Variants in FBRSL1 observed in about 807,000 individuals in gnomAD.
FBRSL1 encodes the protein fibrosin like 1.
Under a neutral mutation model 89.6 loss-of-function variants are expected in FBRSL1, and 51 were observed. The observed-to-expected ratio is 0.57, with a 90% confidence interval of 0.45 to 0.72. The LOEUF (loss-of-function observed/expected upper bound fraction) is 0.72. FBRSL1 is among the 30% of genes least tolerant of loss of function. The pLI is 0.00. For missense variants in FBRSL1, 1,618 were observed against 1,451.8 expected (o/e 1.11, Z -1.86); for synonymous variants, 779 against 681.1 (o/e 1.14, Z -2.24).
At chr12:132,541,253 A>G (rs182744250) in intron 4 of FBRSL1, among the ~76,000 whole-genome samples, 1 of 151,974 alleles carries the variant, frequency 6.6e-6, no homozygotes, top group East Asian at 1.9e-4. Context: ...CCACACCCCT[A>G]CCCTGAGGCA....
chr12:132,565,266 C>T (rs2039516335), intron 5 of FBRSL1: 1 of 152,206 alleles, frequency 6.6e-6, no homozygotes, highest in Admixed American at 6.5e-5. Flanking sequence ...GAGTTTAAGC[C>T]TAGTCTCTTG....
intron 5 of FBRSL1, chr12:132,554,730 C>T (rs2038470834): frequency 6.6e-6 from 1 of 151,756 alleles, no homozygotes; most frequent in South Asian, 2.1e-4. Context: ...GGTGGATCAC[C>T]TGAGGTCAGG....
chr12:132,561,255 G>A lies in FBRSL1; in HGVS notation c.646-6226G>A, dbSNP rs185849116. 4.5e-3 allele frequency among the ~76,000 whole-genome samples: 689 copies of A among 152,286 alleles called. 5 individuals are homozygous for A. The highest frequency in any genetic ancestry group is 0.02 in the Middle Eastern group (6 of 294). On this transcript the variant is annotated intron_variant, in intron 5 of 18. Coordinates refer to ENST00000680143, the MANE Select transcript of FBRSL1 (RefSeq NM_001367871.1). ...CTAAGTGTAGGGCCCACTGTGGCGT[G>A]ACCAGAATGGGTGCTGGATGGCCCC...
chr12:132,542,056 G>T (rs551171689), intron 4 of FBRSL1, among the ~76,000 whole-genome samples: 1 of 152,384 alleles, frequency 6.6e-6, no homozygotes, highest in South Asian at 2.1e-4. Context: ...CTCTGTGGCA[G>T]GTCCTGAGGC....
chr12:132,494,004 C>T (rs887626772), intron 1 of FBRSL1, among the ~76,000 whole-genome samples: 1 of 142,602 alleles, frequency 7.0e-6, no homozygotes, highest in African/African-American at 2.5e-5. Context: ...TGCAGAGGGG[C>T]GTGCTGGGCT....
intron 5 of FBRSL1, chr12:132,554,710 A>G (rs2038468567): frequency 6.6e-6 from 1 of 151,938 alleles, no homozygotes; most frequent in African/African-American, 2.4e-5. Flanking sequence ...GCACTTTAGG[A>G]GGCCAAGCGG....
intron 1 of FBRSL1, among the ~76,000 whole-genome samples, chr12:132,496,520 C>T (rs1461162159): frequency 2.0e-5 from 3 of 152,208 alleles, no homozygotes; most frequent in East Asian, 3.8e-4. Flanking sequence ...ACATCTCTAC[C>T]TGGGTACTTT....
At chr12:132,545,748 G>C (rs986734831) in intron 4 of FBRSL1, among the ~76,000 whole-genome samples, 7 of 152,216 alleles carry the variant, frequency 4.6e-5, no homozygotes, top group Non-Finnish European at 1.0e-4. Flanking sequence ...CCCAGGCCAC[G>C]GGTGCACCCA....
chr12:132,561,285 G>T (rs150533819), intron 5 of FBRSL1, among the ~76,000 whole-genome samples: 1 of 152,312 alleles, frequency 6.6e-6, no homozygotes, highest in South Asian at 2.1e-4. Flanking sequence ...GGCCCCAGCC[G>T]CGCGGCCCGT....
At chr12:132,550,895 G>A (rs1388880289) in intron 5 of FBRSL1, 1 of 163,588 alleles carries the variant, frequency 6.1e-6, no homozygotes, top group East Asian at 1.7e-4. Context: ...GCCCGGCGCT[G>A]GGTTCAGGGG....
At chr12:132,509,722 C>T (rs2034110053) in intron 2 of FBRSL1, 2 of 1,231,270 alleles carry the variant, frequency 1.6e-6, no homozygotes, top group Non-Finnish European at 2.0e-6. Flanking sequence ...CGCTGCCGAC[C>T]CCTGCGGCCG....
At chr12:132,493,121 A>C (rs2031372186) in intron 1 of FBRSL1, among the ~76,000 whole-genome samples, 2 of 152,338 alleles carry the variant, frequency 1.3e-5, no homozygotes, top group African/African-American at 2.4e-5. Flanking sequence ...AGCAAGGAGC[A>C]CTGGGTGCCA....
rs1161636521 is a variant in FBRSL1 at position 132,538,245 on chromosome 12, CTCG to C, written c.616-9757_616-9755del. Among the ~76,000 whole-genome samples the C allele has an allele frequency of 2.6e-5, 4 of 152,222 alleles. No homozygotes were observed. The East Asian group carries it at 7.7e-4, about 29-fold the overall frequency. The stretch of plus-strand genomic sequence containing the variant: ...CTAACCAGGGCTCCAGCCCCACGTT[CTCG>C]CCGACGCAGGGCTCTCCAGGCCTGC... On this transcript the variant is annotated intron_variant, in intron 4 of 18. Transcript: ENST00000680143.
At chr12:132,564,700 TTAGC>T (rs2039454053) in intron 5 of FBRSL1, among the ~76,000 whole-genome samples, 2 of 90,644 alleles carry the variant, frequency 2.2e-5, no homozygotes, top group Non-Finnish European at 3.9e-5. Flanking sequence ...TTTCACCGTG[TTAGC>T]CAGGATGGTC....
At chr12:132,494,542 G>T (rs1185790191) in intron 1 of FBRSL1, among the ~76,000 whole-genome samples, 1 of 152,264 alleles carries the variant, frequency 6.6e-6, no homozygotes, top group South Asian at 2.1e-4. Flanking sequence ...TGGCCATGGT[G>T]CTCTGGGCTG....
rs181319219 is a variant in FBRSL1 at position 132,561,068 on chromosome 12, C to T, written c.646-6413C>T. Among the ~76,000 whole-genome samples the T allele has an allele frequency of 1.1e-4, 17 of 152,332 alleles. No individual in the cohort carries two copies. The East Asian group carries it at 3.1e-3, about 28-fold the overall frequency. ...AGCCTGGGCCAGGCCCCCAGAGGGC[C>T]GGCCCCTGTTCTGCTCTCAGCCCTC... is the stretch of plus-strand genomic sequence containing the variant. On this transcript the variant is annotated intron_variant, in intron 5 of 18. Transcript: ENST00000680143.
chr12:132,537,165 T>G (rs1490667645), intron 4 of FBRSL1, among the ~76,000 whole-genome samples: 1 of 152,286 alleles, frequency 6.6e-6, no homozygotes, highest in Non-Finnish European at 1.5e-5. Flanking sequence ...ATGGCCGCCC[T>G]GTCGTGTGGT....
intron 5 of FBRSL1, among the ~76,000 whole-genome samples, chr12:132,564,857 C>T (rs1490594649): frequency 2.0e-5 from 3 of 151,726 alleles, no homozygotes; most frequent in African/African-American, 7.3e-5. Context: ...TCTCGATCTG[C>T]TGACCTCGTG....
Position 132,576,861 on chromosome 12 carries a change from C to G in FBRSL1, c.1764C>G (p.Pro588=). The part of the protein sequence containing the change: ...VGAKLDLFGR[P]PAPGVFAGFH... ...CAAAGCTGGACCTGTTCGGCAGACC[C>G]CCTGCCCCGGGCGTGTTTGCAGGCT... is the stretch of plus-strand genomic sequence containing the variant. The change falls in exon 15 of 19, where the codon CCC becomes CCG. Residue 588 remains proline (P), a synonymous_variant. Coordinates refer to ENST00000680143, the MANE Select transcript of FBRSL1 (RefSeq NM_001367871.1). 6.4e-7 allele frequency: 1 copy of G among 1,551,050 alleles called. No homozygotes were observed. The highest frequency in any genetic ancestry group is 1.2e-5 in the South Asian group (1 of 84,032).
Sources: gnomAD v4.1 joint callset for allele counts (sites outside exome capture counted in the v4.1 genomes callset) on GRCh38, gnomAD v4.1.1 for gene constraint, MANE v1.5 for transcripts, NCBI Gene and HGNC (gene_info 2026-07-23, HGNC 2026-07-21) for gene names.